The following SNAPC2 variants were observed in gnomAD, a reference collection of about 807,000 sequenced individuals.
SNAPC2 encodes small nuclear RNA activating complex polypeptide 2, also known as snRNA-activating protein complex subunit 2.
Under a neutral mutation model 22.9 loss-of-function variants are expected in SNAPC2, and 27 were observed. That is an observed-to-expected ratio of 1.18 (90% CI 0.87 to 1.63). The LOEUF (loss-of-function observed/expected upper bound fraction) is 1.63. Among genes scored for constraint, SNAPC2 ranks in the 40% most tolerant of loss-of-function variants. The probability of loss-of-function intolerance (pLI) is 0.00; values close to 1 mark genes in which losing one functional copy is unlikely to be tolerated. For missense variants in SNAPC2, 570 were observed against 449.1 expected (o/e 1.27, Z -2.43); for synonymous variants, 272 against 201.0 (o/e 1.35, Z -2.99).
rs137885977 is a variant in SNAPC2, at chr19:7,923,154, A to T, written c.*390A>T. 348 of 198,180 alleles carry T rather than the reference A, an allele frequency of 1.8e-3. 2 individuals are homozygous for T. The highest frequency in any genetic ancestry group is 7.4e-3 in the African/African-American group (318 of 43,124). The allele number at this position is 198,180 out of a possible 1,614,324, so 12.3% of individuals were successfully genotyped here. The stretch of plus-strand genomic sequence containing the variant: ...CGGGGCCAGCATCCTCACCTTCTTC[A>T]ACTGACCAGTCGTGGTTACTCCCTG... On this transcript the variant is annotated 3_prime_UTR_variant, in exon 5 of 5. Coordinates refer to ENST00000221573, the MANE Select transcript of SNAPC2 (RefSeq NM_003083.4).
intron 2 of SNAPC2, 70 bp downstream of exon 2, chr19:7,921,612 T>C: frequency 3.7e-6 from 6 of 1,604,336 alleles, no homozygotes; most frequent in Non-Finnish European, 5.1e-6. Flanking sequence ...TTGCGGGGGA[T>C]AACCTGATTA....
In SNAPC2 at chr19:7,922,291, A is replaced by G. The variant is rs1236165655; in HGVS notation, c.629A>G (p.Tyr210Cys). 10 of 1,613,942 alleles carry G rather than the reference A, an allele frequency of 6.2e-6. No individual in the cohort carries two copies. The highest frequency in any genetic ancestry group is 1.7e-5 in the Admixed American group (1 of 60,016). Residue 210 changes from tyrosine to cysteine, a missense_variant, in exon 4 of 5, where the codon TAC (tyrosine) becomes TGC (cysteine). Physicochemically the swap from Tyr to Cys is radical, Grantham distance 194. Coordinates refer to ENST00000221573, the MANE Select transcript of SNAPC2 (RefSeq NM_003083.4). The part of the protein sequence containing the change: ...EDFAVDFEKI[Y>C]KYLSSVSRSG... ...TTTGCTGTGGACTTTGAGAAGATCT[A>G]CAAGTACTTGTCCTCTGTCTCCCGA...
In SNAPC2 at chr19:7,922,241, G is replaced by T. The variant is rs374306019; in HGVS notation, c.579G>T (p.Ser193=). 2 of 1,614,028 alleles carry T rather than the reference G, an allele frequency of 1.2e-6. No homozygotes were observed. The highest frequency in any genetic ancestry group is 1.7e-6 in the Non-Finnish European group (2 of 1,180,006). Residue 193 remains serine, a synonymous_variant, in exon 4 of 5, where the codon TCG becomes TCT. Transcript: ENST00000221573. ...CCCCTGAGAAACCTTCTGAGTCGTC[G>T]GCTGGTCCCTCCACTGAAGAAGACT... ...DPAPEKPSES[S]AGPSTEEDFA...
chr19:7,921,903 C>A, intron 3 of SNAPC2, 130 bp downstream of exon 3: 1 of 1,348,818 alleles, frequency 7.4e-7, no homozygotes, highest in Non-Finnish European at 1.0e-6. Flanking sequence ...ACACCTCGAG[C>A]CTCAGTGTCC....
rs753989260 is a variant in SNAPC2, at chr19:7,920,414, C to G, written c.48C>G (p.Gly16=). Reference sequence around the variant, plus strand: ...GAGCGGCCCCGGCGCGCTATCTGGGCGAGGTGACCGGTCCCGCGACCTGGA... The same window carrying G: ...GAGCGGCCCCGGCGCGCTATCTGGGGGAGGTGACCGGTCCCGCGACCTGGA... ...RRRAAPARYL[G]EVTGPATWSA... The change falls in exon 1 of 5, where the codon GGC becomes GGG. Residue 16 remains glycine (G), a synonymous_variant. Transcript: ENST00000221573. 6.3e-7 allele frequency: 1 copy of G among 1,581,514 alleles called. No individual in the cohort carries two copies. The highest frequency in any genetic ancestry group is 1.1e-5 in the South Asian group (1 of 89,154).
chr19:7,920,884 C>G, intron 1 of SNAPC2: 1 of 820,748 alleles, frequency 1.2e-6, no homozygotes, highest in South Asian at 4.7e-5. Flanking sequence ...AGGGGCAGGA[C>G]GAGCCTGGGG....
At chr19:7,920,998 G>T (rs1983547376) in intron 1 of SNAPC2, 2 of 1,134,442 alleles carry the variant, frequency 1.8e-6, no homozygotes, top group African/African-American at 1.7e-5. Context: ...TAAAGGCGGG[G>T]CGAGCCTCGG....
At position 7,922,854 on chromosome 19, in the gene SNAPC2, C is replaced by T. The variant is rs1453406639; in HGVS notation, c.*90C>T. ...CCCTGGCTCTTTCTGAGGATCCCGT[C>T]ATGGGGGAAGGTCCTTGAGATGATG... is the stretch of plus-strand genomic sequence containing the variant. On this transcript the variant is annotated 3_prime_UTR_variant, in exon 5 of 5. Coordinates refer to ENST00000221573, the MANE Select transcript of SNAPC2 (RefSeq NM_003083.4). 7.6e-6 allele frequency: 8 copies of T among 1,048,974 alleles called. No individual in the cohort carries two copies. Among genetic ancestry groups the T allele is most frequent in the Non-Finnish European group, 1.1e-5 (8 of 723,226 alleles). The allele number at this position is 1,048,974 out of a possible 1,614,324, so 65.0% of individuals were successfully genotyped here. A position where few individuals can be genotyped will look rare whatever the true frequency, so the allele number is the denominator to read the frequency against.
In SNAPC2 at chr19:7,922,515, G is replaced by A; in HGVS notation, c.756G>A (p.Leu252=). Residue 252 remains leucine, a synonymous_variant, in exon 5 of 5, where the codon CTG becomes CTA. Coordinates refer to ENST00000221573, the MANE Select transcript of SNAPC2 (RefSeq NM_003083.4). ...TGCCACTCCTGCCCTGCACAGCCCT[G>A]GTTGAGCATATGACGGAGACGTACC... is the stretch of plus-strand genomic sequence containing the variant. The part of the protein sequence containing the change: ...EELPLLPCTA[L]VEHMTETYLR... The A allele has an allele frequency of 1.2e-6, 2 of 1,611,716 alleles. No homozygotes were observed. The highest frequency in any genetic ancestry group is 1.7e-6 in the Non-Finnish European group (2 of 1,178,612).
In SNAPC2 at chr19:7,922,100, G is replaced by A; in HGVS notation, c.438G>A (p.Gln146=). 6.2e-7 allele frequency: 1 copy of A among 1,613,930 alleles called. No individual in the cohort carries two copies. The change falls in exon 4 of 5, where the codon CAG becomes CAA. Residue 146 remains glutamine, a synonymous_variant. Coordinates refer to ENST00000221573, the MANE Select transcript of SNAPC2 (RefSeq NM_003083.4). The part of the protein sequence containing the change: ...LLHSKPPKPT[Q]ARGKPLLLSA... ...ACTCCAAGCCCCCCAAGCCCACGCA[G>A]GCCCGTGGAAAGCCTTTGCTCCTGA...
In SNAPC2 at chr19:7,922,698, C is replaced by A. The variant is rs1418122749; in HGVS notation, c.939C>A (p.Ile313=). Residue 313 remains isoleucine, a synonymous_variant, in exon 5 of 5, where the codon ATC becomes ATA. Transcript: ENST00000221573. Reference sequence around the variant, plus strand: ...AATCGCCTTGGCAAGCAGCTGGGATCTGTCCCCTGAACCCGTTCCTGGTGC... The same window carrying A: ...AATCGCCTTGGCAAGCAGCTGGGATATGTCCCCTGAACCCGTTCCTGGTGC... ...ELKSPWQAAG[I]CPLNPFLVPL... is the part of the protein sequence containing the mutation. The A allele has an allele frequency of 1.2e-6, 2 of 1,613,230 alleles. No homozygotes were observed. Among genetic ancestry groups the A allele is most frequent in the Non-Finnish European group, 8.5e-7 (1 of 1,179,706 alleles).
intron 2 of SNAPC2, 67 bp downstream of exon 2, chr19:7,921,609 G>C: frequency 6.2e-7 from 1 of 1,604,180 alleles, no homozygotes; most frequent in Non-Finnish European, 8.5e-7. Context: ...GAGTTGCGGG[G>C]GATAACCTGA....
chr19:7,922,237 C>T lies in SNAPC2; in HGVS notation c.575C>T (p.Ser192Leu), dbSNP rs768225274. The T allele has an allele frequency of 1.1e-5, 17 of 1,613,994 alleles. No individual in the cohort carries two copies. In the East Asian group the frequency reaches 1.1e-4, roughly 11 times the overall value. ...PDPAPEKPSE[S>L]SAGPSTEEDF... is the part of the protein sequence containing the mutation. ...CCTGCCCCTGAGAAACCTTCTGAGT[C>T]GTCGGCTGGTCCCTCCACTGAAGAA... The change falls in exon 4 of 5, where the codon TCG becomes TTG. Residue 192 changes from serine (S) to leucine (L), a missense_variant. Physicochemically the swap from Ser to Leu is moderately radical, Grantham distance 145. Transcript: ENST00000221573.
In SNAPC2 at chr19:7,922,761, G is replaced by A; in HGVS notation, c.1002G>A (p.Arg334=). The change falls in exon 5 of 5, where the codon AGG becomes AGA. Residue 334 remains arginine (R), a synonymous_variant. Transcript: ENST00000221573. ...ELLGRAATPA[R] ...TGGGTCGGGCAGCCACCCCTGCCAG[G>A]TGAGGGGCATGGCGGGCAGGAGGCC... The A allele has an allele frequency of 4.4e-6, 7 of 1,580,512 alleles. No individual in the cohort carries two copies. The highest frequency in any genetic ancestry group is 6.0e-6 in the Non-Finnish European group (7 of 1,158,252).
chr19:7,922,537 T>A lies in SNAPC2; in HGVS notation c.778T>A (p.Tyr260Asn), dbSNP rs779159112. The change falls in exon 5 of 5, where the codon TAC (tyrosine) becomes AAC (asparagine). Residue 260 changes from tyrosine (Y) to asparagine (N), a missense_variant. Transcript: ENST00000221573. ...TALVEHMTET[Y>N]LRLTAPQPIP... ...CCTGGTTGAGCATATGACGGAGACG[T>A]ACCTACGCCTGACAGCCCCCCAGCC... 1 of 1,612,802 alleles carries A rather than the reference T, an allele frequency of 6.2e-7. No homozygotes were observed. Among genetic ancestry groups the A allele is most frequent in the Admixed American group, 1.7e-5 (1 of 59,932 alleles).
rs1254014576 is a variant in SNAPC2 at position 7,923,129 on chromosome 19, C to T, written c.*365C>T. ...ACATTTTCCCCCTTCCTGTACACCT[C>T]GGGGCCAGCATCCTCACCTTCTTCA... On this transcript the variant is annotated 3_prime_UTR_variant, in exon 5 of 5. Coordinates refer to ENST00000221573, the MANE Select transcript of SNAPC2 (RefSeq NM_003083.4). 2.2e-5 allele frequency: 5 copies of T among 226,942 alleles called. No individual in the cohort carries two copies. Among genetic ancestry groups the T allele is most frequent in the Admixed American group, 5.8e-5 (1 of 17,364 alleles). 14.1% of individuals were successfully genotyped at this position (226,942 alleles called of 1,614,324 possible). A position where few individuals can be genotyped will look rare whatever the true frequency, so the allele number is the denominator to read the frequency against.
At position 7,923,196 on chromosome 19, in the gene SNAPC2, C is replaced by A; in HGVS notation, c.*432C>A. On this transcript the variant is annotated 3_prime_UTR_variant, in exon 5 of 5. Coordinates refer to ENST00000221573, the MANE Select transcript of SNAPC2 (RefSeq NM_003083.4). ...TACTCCCTGCTGCCAGGTCCTTCCCCTTCCCGGGGGTATTCTGTGACCATG... is the reference window on the plus strand; with the variant it reads ...TACTCCCTGCTGCCAGGTCCTTCCCATTCCCGGGGGTATTCTGTGACCATG... The A allele has an allele frequency of 5.8e-6, 1 of 171,320 alleles. No homozygotes were observed. The highest frequency in any genetic ancestry group is 2.4e-5 in the African/African-American group (1 of 42,258). 10.6% of individuals were successfully genotyped at this position (171,320 alleles called of 1,614,324 possible).
chr19:7,922,407 G>A (rs201342109), intron 4 of SNAPC2, 38 bp from the exon 5 acceptor site: 13 of 1,586,806 alleles, frequency 8.2e-6, no homozygotes, highest in Non-Finnish European at 1.1e-5. Context: ...GCAGCAGGCA[G>A]GGGTGTCCCC....
Position 7,922,017 on chromosome 19 carries a change from G to A in SNAPC2, c.373-18G>A. On this transcript the variant is annotated intron_variant, in intron 3 of 4. Transcript: ENST00000221573. ...GACTTCCCAGCTCCTCTTCCTCCCT[G>A]ATTGTTCTGCCTGCCAGGTGCTCAC... The A allele has an allele frequency of 6.3e-7, 1 of 1,596,288 alleles. No individual in the cohort carries two copies. Among genetic ancestry groups the A allele is most frequent in the East Asian group, 2.2e-5 (1 of 44,600 alleles).
Sources: allele counts gnomAD v4.1 joint callset, GRCh38; gene constraint gnomAD v4.1.1; transcripts MANE v1.5; gene names NCBI Gene and HGNC (gene_info 2026-07-23, HGNC 2026-07-21).